Variants in TTLL2 observed in about 807,000 individuals in gnomAD.
The protein encoded by TTLL2 is tubulin tyrosine ligase like 2, also known as probable tubulin polyglutamylase TTLL2.
A neutral mutation model predicts 7.5 loss-of-function variants in TTLL2; 10 were observed. The observed-to-expected ratio is 1.33, with a 90% CI of 0.82 to 2.25. The LOEUF is 2.25. Among genes scored for constraint, TTLL2 ranks in the 30% most tolerant of loss-of-function variants. TTLL2 has a pLI of 0.00. For synonymous variants in TTLL2, 284 were observed against 280.3 expected, an observed-to-expected ratio of 1.01 and a Z score of -0.13; for missense variants, 733 against 735.7, an observed-to-expected ratio of 1.00 and a Z score of 0.04.
chr6:167,328,077 A>G (rs567233347), intron 1 of TTLL2: 3 of 451,972 alleles, frequency 6.6e-6, no homozygotes, highest in African/African-American at 4.3e-5. Flanking sequence ...TCAAATGGAA[A>G]GTTGCTCTGG....
intron 1 of TTLL2, among the ~76,000 whole-genome samples, chr6:167,329,645 T>C (rs1311856694): frequency 6.6e-6 from 1 of 152,234 alleles, no homozygotes; most frequent in Non-Finnish European, 1.5e-5. Flanking sequence ...CTGAGTACGG[T>C]AAACCTACTT....
intron 1 of TTLL2, among the ~76,000 whole-genome samples, chr6:167,334,181 T>A (rs1436610147): frequency 1.4e-4 from 21 of 145,886 alleles, no homozygotes; most frequent in Non-Finnish European, 3.0e-4. Flanking sequence ...TCTTTATTTC[T>A]GCCTTCATTT....
At position 167,338,632 on chromosome 6, in the gene TTLL2, C is replaced by T. The variant is rs766697357; in HGVS notation, c.48-15C>T. The T allele has an allele frequency of 1.9e-6, 3 of 1,605,396 alleles. No homozygotes were observed. The highest frequency in any genetic ancestry group is 3.4e-5 in the Admixed American group (2 of 59,430). On this transcript the variant is annotated splice_polypyrimidine_tract_variant and intron_variant, in intron 1 of 2. Transcript: ENST00000239587. ...AGATGCTGTGTGTTCATTGTTGATG[C>T]TGCTTTGTTCACAGATCTTTGAGAA...
chr6:167,325,952 G>C (rs1778843034), intron 1 of TTLL2, among the ~76,000 whole-genome samples: 1 of 152,130 alleles, frequency 6.6e-6, no homozygotes. Context: ...CCGAACAGCG[G>C]CCGAGAACGG....
At chr6:167,336,502 C>T (rs2115219700) in intron 1 of TTLL2, among the ~76,000 whole-genome samples, 1 of 152,130 alleles carries the variant, frequency 6.6e-6, no homozygotes, top group African/African-American at 2.4e-5. Flanking sequence ...AATCAATTCC[C>T]TGCCATGGGT....
chr6:167,338,975 CT>C (rs1324907405), intron 2 of TTLL2, among the ~76,000 whole-genome samples, 172 bp downstream of exon 2: 1 of 148,042 alleles, frequency 6.8e-6, no homozygotes, highest in Non-Finnish European at 1.5e-5. Flanking sequence ...TCTTTCTCTG[CT>C]TGCTTCCCTC....
intron 1 of TTLL2, among the ~76,000 whole-genome samples, chr6:167,332,015 T>C (rs542223829): frequency 6.6e-6 from 1 of 152,324 alleles, no homozygotes; most frequent in South Asian, 2.1e-4. Context: ...CTGAAGTTTT[T>C]TTTTAACAAT....
chr6:167,329,118 C>T (rs6906413), intron 1 of TTLL2, among the ~76,000 whole-genome samples: 12,952 of 152,100 alleles, frequency 0.085, 1,474 homozygotes, highest in African/African-American at 0.25. Flanking sequence ...TGGCCCCCAA[C>T]CTCGTTAAGG....
chr6:167,340,167 T>A lies in TTLL2; in HGVS notation c.267T>A (p.Phe89Leu). The A allele has an allele frequency of 6.2e-7, 1 of 1,609,364 alleles. No individual in the cohort carries two copies. Among genetic ancestry groups the A allele is most frequent in the Non-Finnish European group, 8.5e-7 (1 of 1,178,142 alleles). Residue 89 changes from phenylalanine (F) to leucine (L), a missense_variant, in exon 3 of 3, where the codon TTT (phenylalanine) becomes TTA (leucine). Physicochemically the swap from Phe to Leu is conservative, Grantham distance 22. Transcript: ENST00000239587. ...PSGALLKPLV[F>L]RVDETTPAVV... ...GGGCCCTCTTGAAGCCGCTGGTTTTTCGCGTTGACGAGACCACCCCGGCTG... is the reference window on the plus strand; with the variant it reads ...GGGCCCTCTTGAAGCCGCTGGTTTTACGCGTTGACGAGACCACCCCGGCTG...
chr6:167,325,313 G>A, intron 1 of TTLL2, 93 bp downstream of exon 1: 2 of 1,302,566 alleles, frequency 1.5e-6, no homozygotes, highest in Admixed American at 2.9e-5. Context: ...CAGGGGCCAG[G>A]GTCACTAGGA....
intron 2 of TTLL2, 134 bp from the exon 3 acceptor site, chr6:167,339,971 T>C (rs1318223745): frequency 7.9e-6 from 7 of 884,004 alleles, no homozygotes; most frequent in Non-Finnish European, 1.0e-5. Flanking sequence ...GACGTGGGTG[T>C]CCGGTGAGAC....
At chr6:167,331,290 T>C (rs1778917635) in intron 1 of TTLL2, among the ~76,000 whole-genome samples, 2 of 152,124 alleles carry the variant, frequency 1.3e-5, no homozygotes, top group Non-Finnish European at 2.9e-5. Flanking sequence ...TATTTGAAAC[T>C]ATTATATATT....
intron 2 of TTLL2, among the ~76,000 whole-genome samples, chr6:167,339,731 C>T (rs1021628709): frequency 5.3e-5 from 8 of 152,192 alleles, no homozygotes; most frequent in African/African-American, 1.4e-4. Flanking sequence ...AGTTGACATT[C>T]GTGTTTTGTT....
Position 167,341,168 on chromosome 6 carries a change from A to AG in TTLL2, c.1272dup (p.Arg425GlufsTer5). ...ATTTACTTAAATGGTCTAAGAAATG[A>AG]GGGGAGAGAAGCCAGTAATGCCACA... On this transcript the variant is annotated frameshift_variant, in exon 3 of 3. Coordinates refer to ENST00000239587, the MANE Select transcript of TTLL2 (RefSeq NM_031949.5). LOFTEE classifies it low-confidence loss of function (END_TRUNC). 1.9e-6 allele frequency: 3 copies of AG among 1,613,864 alleles called. No individual in the cohort carries two copies. The highest frequency in any genetic ancestry group is 1.1e-5 in the South Asian group (1 of 91,046).
chr6:167,337,608 C>T (rs934991772), intron 1 of TTLL2, among the ~76,000 whole-genome samples: 2 of 152,172 alleles, frequency 1.3e-5, no homozygotes, highest in African/African-American at 4.8e-5. Flanking sequence ...GCGGTGTCCC[C>T]ACATTGGTTT....
At chr6:167,336,773 C>G (rs1427972781) in intron 1 of TTLL2, among the ~76,000 whole-genome samples, 2 of 152,206 alleles carry the variant, frequency 1.3e-5, no homozygotes, top group African/African-American at 4.8e-5. Flanking sequence ...AGTCTCTACC[C>G]CAACCCCACA....
At position 167,340,375 on chromosome 6, in the gene TTLL2, T is replaced by G; in HGVS notation, c.475T>G (p.Leu159Val). ...CACCAAGCTTACCAGGAAAGACTGT[T>G]TGGCCAAACACCTGAAGCACATGAG... ...GTTKLTRKDCLAKHLKHMRRM... is the reference protein window; with the variant it reads ...GTTKLTRKDCVAKHLKHMRRM... Residue 159 changes from leucine to valine, a missense_variant, in exon 3 of 3, where the codon TTG becomes GTG. Physicochemically the swap from Leu to Val is conservative, Grantham distance 32. Coordinates refer to ENST00000239587, the MANE Select transcript of TTLL2 (RefSeq NM_031949.5). The G allele has an allele frequency of 6.2e-7, 1 of 1,613,562 alleles. No homozygotes were observed. The highest frequency in any genetic ancestry group is 8.5e-7 in the Non-Finnish European group (1 of 1,179,966).
chr6:167,338,752 T>C lies in TTLL2; in HGVS notation c.153T>C (p.Gly51=), dbSNP rs751759563. Residue 51 remains glycine, a synonymous_variant, in exon 2 of 3, where the codon GGT becomes GGC. Transcript: ENST00000239587. ...TGGGAGCAAGGCTACAGGAAGCAGG[T>C]GTTTCCATCCCTCCCAGGCGAGGCC... ...AGLGARLQEA[G]VSIPPRRGRP... 14 of 1,613,710 alleles carry C rather than the reference T, an allele frequency of 8.7e-6. No individual in the cohort carries two copies. The highest frequency in any genetic ancestry group is 1.6e-4 in the Middle Eastern group (1 of 6,082).
chr6:167,331,398 C>G (rs1200605430), intron 1 of TTLL2, among the ~76,000 whole-genome samples: 1 of 152,156 alleles, frequency 6.6e-6, no homozygotes, highest in Admixed American at 6.5e-5. Context: ...CAAATGTCTC[C>G]CTATGTCCCC....
Sources: gnomAD v4.1 joint callset for allele counts (sites outside exome capture counted in the v4.1 genomes callset) on GRCh38, gnomAD v4.1.1 for gene constraint, MANE v1.5 for transcripts, NCBI Gene and HGNC (gene_info 2026-07-23, HGNC 2026-07-21) for gene names.